IFT57: variants seen among roughly 807,000 people sequenced by gnomAD.
The protein encoded by IFT57 is intraflagellar transport protein 57 homolog.
A neutral mutation model predicts 56.8 loss-of-function variants in IFT57; 59 were observed. The ratio of observed to expected loss-of-function variants is 1.04; its 90% CI spans 0.84 to 1.29. The LOEUF is 1.29. Among genes scored for constraint, IFT57 ranks in the 50% most tolerant of loss-of-function variants. IFT57 has a pLI of 0.00. For missense variants in IFT57, 470 were observed against 522.1 expected (o/e 0.90, Z 0.97); for synonymous variants, 209 against 186.1 (o/e 1.12, Z -1.00).
chr3:108,206,148 T>C (rs2080311900), intron 5 of IFT57, among the ~76,000 whole-genome samples: 1 of 143,394 alleles, frequency 7.0e-6, no homozygotes, highest in Non-Finnish European at 1.5e-5. Flanking sequence ...AATATCTCAT[T>C]GTATATGTAC....
At chr3:108,197,058 T>C (rs1287514817) in intron 5 of IFT57, among the ~76,000 whole-genome samples, 1 of 152,198 alleles carries the variant, frequency 6.6e-6, no homozygotes, top group Non-Finnish European at 1.5e-5. Flanking sequence ...CAAAATTTTA[T>C]ATCATCATGA....
intron 4 of IFT57, among the ~76,000 whole-genome samples, chr3:108,211,006 T>C (rs1375094661): frequency 6.6e-6 from 1 of 152,206 alleles, no homozygotes; most frequent in Non-Finnish European, 1.5e-5. Flanking sequence ...AAATGAGCTA[T>C]AGTTTCTAAA....
chr3:108,166,033 ATAAG>A (rs531479814), intron 8 of IFT57, among the ~76,000 whole-genome samples: 36 of 152,230 alleles, frequency 2.4e-4, no homozygotes, highest in African/African-American at 8.2e-4. Flanking sequence ...TAAAATATTC[ATAAG>A]TAATTGTGTA....
intron 6 of IFT57, among the ~76,000 whole-genome samples, chr3:108,171,927 CCATA>C (rs2080094902): frequency 6.7e-6 from 1 of 149,620 alleles, no homozygotes; most frequent in Non-Finnish European, 1.5e-5. Flanking sequence ...CTGTTTCTCT[CCATA>C]TATATGTATT....
intron 4 of IFT57, among the ~76,000 whole-genome samples, chr3:108,210,308 A>C (rs961394045): frequency 6.6e-6 from 1 of 150,630 alleles, no homozygotes; most frequent in Non-Finnish European, 1.5e-5. Flanking sequence ...TGATTATAGC[A>C]GAACTTTGAC....
At chr3:108,168,933 T>A (rs1354399388) in intron 6 of IFT57, among the ~76,000 whole-genome samples, 3 of 152,084 alleles carry the variant, frequency 2.0e-5, no homozygotes, top group African/African-American at 7.2e-5. Flanking sequence ...TTTGCTATTG[T>A]AAATAGTGCT....
intron 6 of IFT57, among the ~76,000 whole-genome samples, chr3:108,170,691 C>CA (rs1385776749): frequency 6.6e-6 from 1 of 151,038 alleles, no homozygotes; most frequent in Admixed American, 6.6e-5. Context: ...CCCATACAGC[C>CA]AAAAAAATCC....
chr3:108,216,696 T>C (rs72935717), intron 3 of IFT57, among the ~76,000 whole-genome samples: 12,129 of 152,260 alleles, frequency 0.08, 584 homozygotes, highest in Middle Eastern at 0.11. Context: ...TGCAGCACTA[T>C]TCACAATACT....
intron 5 of IFT57, among the ~76,000 whole-genome samples, chr3:108,201,752 CAT>C (rs2080279236): frequency 6.6e-6 from 1 of 152,210 alleles, no homozygotes; most frequent in South Asian, 2.1e-4. Flanking sequence ...AAATATAAAA[CAT>C]ATGTAAAATT....
intron 6 of IFT57, among the ~76,000 whole-genome samples, chr3:108,188,081 TC>T (rs1333719854): frequency 6.6e-6 from 1 of 151,852 alleles, no homozygotes; most frequent in African/African-American, 2.4e-5. Context: ...ATGCTATCCT[TC>T]CCCCCTCCTC....
At chr3:108,180,633 G>A (rs2080146671) in intron 6 of IFT57, among the ~76,000 whole-genome samples, 1 of 151,674 alleles carries the variant, frequency 6.6e-6, no homozygotes, top group Non-Finnish European at 1.5e-5. Flanking sequence ...CTTGGTAGAA[G>A]GAAACAAAAT....
intron 5 of IFT57, among the ~76,000 whole-genome samples, chr3:108,205,979 TA>T (rs1346312570): frequency 0.19 from 10,354 of 54,184 alleles, 505 homozygotes; most frequent in Non-Finnish European, 0.29. Context: ...TATTTATATA[TA>T]ATATATAATA....
intron 6 of IFT57, among the ~76,000 whole-genome samples, chr3:108,190,657 A>C (rs1650329792): frequency 1.3e-5 from 2 of 152,356 alleles, no homozygotes; most frequent in South Asian, 4.1e-4. Flanking sequence ...TCTTTATAGC[A>C]GTACAAAAAC....
intron 6 of IFT57, among the ~76,000 whole-genome samples, chr3:108,181,100 T>G (rs1441967086): frequency 2.0e-5 from 3 of 152,042 alleles, no homozygotes. Context: ...ATTCTCTTAT[T>G]TCAACTTGTG....
intron 6 of IFT57, among the ~76,000 whole-genome samples, chr3:108,180,580 T>C (rs1048219058): frequency 1.3e-5 from 2 of 151,942 alleles, no homozygotes; most frequent in African/African-American, 2.4e-5. Flanking sequence ...AAAACAAGAG[T>C]TAACTCCTGC....
At chr3:108,218,208 G>T (rs979291738) in intron 3 of IFT57, among the ~76,000 whole-genome samples, 19 of 151,838 alleles carry the variant, frequency 1.3e-4, no homozygotes, top group African/African-American at 4.3e-4. Flanking sequence ...TATATACTAT[G>T]TTTGTGTGTG....
chr3:108,170,162 T>C (rs1214671019), intron 6 of IFT57, among the ~76,000 whole-genome samples: 1 of 151,786 alleles, frequency 6.6e-6, no homozygotes, highest in Non-Finnish European at 1.5e-5. Flanking sequence ...AATCAGGCAA[T>C]AGAAAGAAAT....
At chr3:108,218,069 G>A (rs2080383150) in intron 3 of IFT57, among the ~76,000 whole-genome samples, 1 of 151,928 alleles carries the variant, frequency 6.6e-6, no homozygotes, top group Admixed American at 6.6e-5. Context: ...ACAATGTCTA[G>A]GAGAGTGTCA....
rs2080409895 is a variant in IFT57, at chr3:108,222,159, C to G, written c.164G>C (p.Arg55Pro). The G allele has an allele frequency of 6.2e-7, 1 of 1,613,658 alleles. No homozygotes were observed. Among genetic ancestry groups the G allele is most frequent in the Admixed American group, 1.7e-5 (1 of 59,996 alleles). The change falls in exon 1 of 11, where the codon CGC becomes CCC. Residue 55 changes from arginine to proline, a missense_variant. Physicochemically the swap from Arg to Pro is moderately radical, Grantham distance 103. Transcript: ENST00000264538. Reference sequence around the variant, plus strand: ...CTTCCGGAGGAACTCCTCCTCGTAGCGGAGCAGCTTCAGCTTCTCCACCAA... The same window carrying G: ...CTTCCGGAGGAACTCCTCCTCGTAGGGGAGCAGCTTCAGCTTCTCCACCAA... ...EDLVEKLKLL[R>P]YEEEFLRKSN... is the part of the protein sequence containing the mutation.
Sources: gnomAD v4.1 joint callset for allele counts (sites outside exome capture counted in the v4.1 genomes callset) on GRCh38, gnomAD v4.1.1 for gene constraint, MANE v1.5 for transcripts, NCBI Gene and HGNC (gene_info 2026-07-23, HGNC 2026-07-21) for gene names.